The following APLF variants were observed in gnomAD, a reference collection of about 807,000 sequenced individuals.
APLF encodes aprataxin and PNKP like factor, also known as aprataxin and PNK-like factor.
Under a neutral mutation model 55.6 loss-of-function variants are expected in APLF, and 61 were observed. The observed-to-expected ratio is 1.10, with a 90% confidence interval of 0.89 to 1.36. APLF has a LOEUF of 1.36. Among genes scored for constraint, APLF ranks in the 40% most tolerant of loss-of-function variants. The pLI is 0.00. For synonymous variants in APLF, 207 were observed against 214.8 expected, an observed-to-expected ratio of 0.96 and a Z score of 0.32; for missense variants, 611 against 602.5, an observed-to-expected ratio of 1.01 and a Z score of -0.15.
At chr2:68,523,635 T>TAA (rs1669953431) in intron 5 of APLF, among the ~76,000 whole-genome samples, 1 of 151,950 alleles carries the variant, frequency 6.6e-6, no homozygotes, top group South Asian at 2.1e-4. Flanking sequence ...TATATATATA[T>TAA]AATTGAGCTA....
chr2:68,523,254 T>C (rs1271122854), intron 5 of APLF, among the ~76,000 whole-genome samples: 1 of 151,976 alleles, frequency 6.6e-6, no homozygotes, highest in Non-Finnish European at 1.5e-5. Context: ...AATAACTAGT[T>C]ACCATTTTTT....
chr2:68,566,617 A>G (rs904415342), intron 8 of APLF, among the ~76,000 whole-genome samples: 9 of 152,060 alleles, frequency 5.9e-5, no homozygotes, highest in African/African-American at 2.2e-4. Flanking sequence ...TCAGTTCCCT[A>G]AGAAAGGGGT....
intron 8 of APLF, among the ~76,000 whole-genome samples, chr2:68,545,847 C>T (rs1231380779): frequency 1.3e-5 from 2 of 152,146 alleles, no homozygotes; most frequent in South Asian, 2.1e-4. Flanking sequence ...TCTTTTCCTA[C>T]AGGCAGCAAG....
chr2:68,471,206 A>T (rs1675607190), intron 1 of APLF, among the ~76,000 whole-genome samples: 1 of 152,192 alleles, frequency 6.6e-6, no homozygotes, highest in Non-Finnish European at 1.5e-5. Flanking sequence ...TTAGATATGA[A>T]AAAGGGTTAT....
At chr2:68,577,071 A>ATT (rs1558559081) in intron 9 of APLF, among the ~76,000 whole-genome samples, 1 of 152,188 alleles carries the variant, frequency 6.6e-6, no homozygotes, top group Non-Finnish European at 1.5e-5. Context: ...TCTAATGTCT[A>ATT]TTATTATGGC....
intron 2 of APLF, among the ~76,000 whole-genome samples, chr2:68,501,178 CAG>C (rs1470496299): frequency 2.0e-4 from 31 of 152,222 alleles, no homozygotes; most frequent in Non-Finnish European, 1.5e-5. Context: ...TTTCTTGTAA[CAG>C]ATTTAAAGGA....
In APLF at chr2:68,567,369, A is replaced by T. The variant is rs183542436; in HGVS notation, c.1315A>T (p.Arg439Ter). Reference sequence around the variant, plus strand: ...GAATCCCCAGCACAAGATAGAATATAGACATAATACGCTTCCAGGTAAGTA... The same window carrying T: ...GAATCCCCAGCACAAGATAGAATATTGACATAATACGCTTCCAGGTAAGTA... ...RKNPQHKIEY[R>*]HNTLPVRNVL... The change falls in exon 9 of 10, where the codon AGA (arginine) becomes TGA (stop). Residue 439 changes from arginine to a stop codon, truncating the protein, a stop_gained. Coordinates refer to ENST00000303795, the MANE Select transcript of APLF (RefSeq NM_173545.3). LOFTEE classifies it high-confidence loss of function. The T allele has an allele frequency of 1.9e-6, 3 of 1,605,312 alleles. No individual in the cohort carries two copies. The East Asian group carries it at 6.7e-5, about 36-fold the overall frequency.
intron 8 of APLF, chr2:68,563,070 A>G (rs552031235): frequency 1.0e-6 from 1 of 985,208 alleles, no homozygotes; most frequent in South Asian, 4.7e-5. Flanking sequence ...GCAAAGTTTT[A>G]TCGATATTAT....
chr2:68,514,142 T>A (rs189132774), intron 5 of APLF, among the ~76,000 whole-genome samples: 8 of 151,932 alleles, frequency 5.3e-5, no homozygotes, highest in Non-Finnish European at 4.4e-5. Flanking sequence ...GGAATTCCTC[T>A]TTGGTTCTTT....
chr2:68,518,147 A>G (rs1558539143), intron 5 of APLF, among the ~76,000 whole-genome samples: 2 of 126,840 alleles, frequency 1.6e-5, no homozygotes, highest in Admixed American at 9.0e-5. Context: ...ATATAATAAT[A>G]TATTATTAAT....
chr2:68,554,060 T>C (rs1264750944), intron 8 of APLF, among the ~76,000 whole-genome samples: 1 of 152,082 alleles, frequency 6.6e-6, no homozygotes, highest in Non-Finnish European at 1.5e-5. Context: ...TATATGGTAG[T>C]ATATTGTATT....
In APLF at chr2:68,574,411, G is replaced by A. The variant is rs1320811291; in HGVS notation, c.1334-3409G>A. Among the ~76,000 whole-genome samples the A allele has an allele frequency of 2.0e-5, 3 of 152,156 alleles. 1 individual carries two copies. Among genetic ancestry groups the A allele is most frequent in the Non-Finnish European group, 4.4e-5 (3 of 68,020 alleles). ...ATCACATGTCAGCATTTATAACCCT[G>A]TTATGAAGGATCTGTGTGACACCAC... On this transcript the variant is annotated intron_variant, in intron 9 of 9. Coordinates refer to ENST00000303795, the MANE Select transcript of APLF (RefSeq NM_173545.3).
chr2:68,537,816 A>T (rs1670437902), intron 6 of APLF, 56 bp from the exon 7 acceptor site: 1 of 1,301,772 alleles, frequency 7.7e-7, no homozygotes, highest in East Asian at 2.3e-5. Context: ...TGTTATGCTC[A>T]TATCTTTTTA....
At chr2:68,509,601 C>T (rs1351466636) in intron 3 of APLF, among the ~76,000 whole-genome samples, 1 of 152,060 alleles carries the variant, frequency 6.6e-6, no homozygotes, top group African/African-American at 2.4e-5. Context: ...GAAATAGGAA[C>T]ACTTTTACAC....
intron 2 of APLF, 44 bp downstream of exon 2, chr2:68,490,305 C>T (rs780135388): frequency 1.3e-6 from 2 of 1,530,140 alleles, no homozygotes; most frequent in Admixed American, 3.6e-5. Flanking sequence ...CATCTCTTAC[C>T]CTTTCAGTTC....
chr2:68,535,274 A>G (rs113720695), intron 6 of APLF: 310 of 425,198 alleles, frequency 7.3e-4, no homozygotes, highest in African/African-American at 6.1e-3. Context: ...TTAAATGGCA[A>G]CATAATAGAT....
intron 8 of APLF, among the ~76,000 whole-genome samples, chr2:68,564,224 C>T (rs1050504387): frequency 6.6e-6 from 1 of 152,104 alleles, no homozygotes; most frequent in Non-Finnish European, 1.5e-5. Context: ...TGTTCATTTG[C>T]AGCTGTCTTC....
chr2:68,572,089 A>T (rs772431692), intron 9 of APLF, among the ~76,000 whole-genome samples: 7,625 of 152,222 alleles, frequency 0.05, 519 homozygotes, highest in African/African-American at 0.15. Context: ...AGATCCAGAA[A>T]GAAAACTATT....
intron 3 of APLF, among the ~76,000 whole-genome samples, chr2:68,508,859 G>T (rs1002456853): frequency 3.9e-5 from 6 of 152,052 alleles, no homozygotes; most frequent in Non-Finnish European, 5.9e-5. Flanking sequence ...CATGGTACTG[G>T]TACCAAAACA....
Sources: allele counts gnomAD v4.1 joint callset (sites outside exome capture counted in the v4.1 genomes callset), GRCh38; gene constraint gnomAD v4.1.1; transcripts MANE v1.5; gene names NCBI Gene and HGNC (gene_info 2026-07-23, HGNC 2026-07-21).